The following PGM1 variants were observed in gnomAD, a reference collection of about 807,000 sequenced individuals.
PGM1 encodes phosphoglucomutase 1.
Under a neutral mutation model 55.6 loss-of-function variants are expected in PGM1, and 52 were observed. That is an observed-to-expected ratio of 0.94 (90% CI 0.75 to 1.18). The LOEUF (loss-of-function observed/expected upper bound fraction) is 1.18, where lower values mean the gene tolerates loss of function less well. PGM1 is among the 50% of genes most tolerant of loss of function. The pLI, the probability that PGM1 is intolerant of heterozygous loss-of-function variation, is 0.00. For synonymous variants in PGM1, 287 were observed against 271.7 expected (o/e 1.06, Z -0.55); for missense variants, 724 against 729.3 (o/e 0.99, Z 0.08).
At chr1:63,604,306 G>A (rs1229013746) in intron 1 of PGM1, among the ~76,000 whole-genome samples, 1 of 152,198 alleles carries the variant, frequency 6.6e-6, no homozygotes, top group East Asian at 1.9e-4. Context: ...TTGTGGGTCA[G>A]CAGGCCAAGA....
intron 5 of PGM1, among the ~76,000 whole-genome samples, chr1:63,635,967 G>T (rs537212161): frequency 6.6e-6 from 1 of 152,344 alleles, no homozygotes; most frequent in South Asian, 2.1e-4. Flanking sequence ...CTGGCCTCTG[G>T]AGGGAGAACA....
chr1:63,626,437 T>C (rs917359297), intron 1 of PGM1, among the ~76,000 whole-genome samples: 7 of 152,288 alleles, frequency 4.6e-5, no homozygotes, highest in Admixed American at 2.6e-4. Flanking sequence ...AATTTGCCTA[T>C]TCTAGTTACC....
intron 8 of PGM1, 198 bp from the exon 9 acceptor site, chr1:63,651,471 A>G: frequency 1.7e-6 from 1 of 581,608 alleles, no homozygotes; most frequent in Non-Finnish European, 3.1e-6. Context: ...CCTTCCCTGA[A>G]ATCCTCCAAA....
At chr1:63,594,143 A>G in intron 1 of PGM1, 1 of 994,558 alleles carries the variant, frequency 1.0e-6, no homozygotes, top group Non-Finnish European at 1.2e-6. Context: ...TAAGCAGGAA[A>G]GGTTAGACTG....
chr1:63,651,678 C>G lies in PGM1; in HGVS notation c.1290C>G (p.Tyr430Ter). The G allele has an allele frequency of 6.2e-7, 1 of 1,613,466 alleles. No homozygotes were observed. The highest frequency in any genetic ancestry group is 1.1e-5 in the South Asian group (1 of 90,996). ...TCGTGACTTCTTCCAGGTATGATTA[C>G]GAGGAGGTGGAAGCTGAGGGCGCAA... ...YGRNFFTRYD[Y>*]EEVEAEGANK... The change falls in exon 9 of 11, where the codon TAC (tyrosine) becomes TAG (stop). Residue 430 changes from tyrosine to a stop codon, truncating the protein, a stop_gained. Transcript: ENST00000371084. LOFTEE classifies it high-confidence loss of function.
intron 8 of PGM1, among the ~76,000 whole-genome samples, chr1:63,649,647 A>G (rs184558268): frequency 1.3e-3 from 192 of 152,380 alleles, no homozygotes; most frequent in African/African-American, 4.4e-3. Flanking sequence ...AAAGAATTCA[A>G]CTAAGTAAAT....
rs928628171 is a variant in PGM1 at position 63,656,600 on chromosome 1, GTGTGTGTA to G, written c.1599+2136_1599+2143del. On this transcript the variant is annotated intron_variant, in intron 10 of 10. Coordinates refer to ENST00000371084, the MANE Select transcript of PGM1 (RefSeq NM_002633.3). ...TGTGTGTGTGTGTGTGTGTGTGTGTGTGTGTGTATACCACAATGGAAAATTATTCTGCC... is the reference window on the plus strand; with the variant it reads ...TGTGTGTGTGTGTGTGTGTGTGTGTGTACCACAATGGAAAATTATTCTGCC... Among the ~76,000 whole-genome samples, 21 of 122,338 alleles carry G rather than the reference GTGTGTGTA, an allele frequency of 1.7e-4. 1 individual carries two copies. Among genetic ancestry groups the G allele is most frequent in the African/African-American group, 8.9e-4 (18 of 20,290 alleles). 80.3% of individuals were successfully genotyped at this position (122,338 alleles called of 152,430 possible).
chr1:63,629,800 C>A, intron 2 of PGM1, 142 bp from the exon 3 acceptor site: 1 of 1,095,752 alleles, frequency 9.1e-7, no homozygotes, highest in Non-Finnish European at 1.4e-6. Flanking sequence ...ATGATATTTT[C>A]TTTTAGAAAA....
chr1:63,629,969 A>T lies in PGM1; in HGVS notation c.437A>T (p.Lys146Ile), dbSNP rs1649149101. Reference protein sequence around the residue: ...GGPAPEAITDKIFQISKTIEE... With the variant: ...GGPAPEAITDIIFQISKTIEE... Reference sequence around the variant, plus strand: ...CCTGCTCCAGAAGCAATAACTGATAAAATTTTCCAAATCAGCAAGACAATT... The same window carrying T: ...CCTGCTCCAGAAGCAATAACTGATATAATTTTCCAAATCAGCAAGACAATT... The change falls in exon 3 of 11, where the codon AAA becomes ATA. Residue 146 changes from lysine to isoleucine, a missense_variant. This residue lies in a region of PGM1 where 379 missense variants were observed against 357.5 expected (regional missense o/e 1.06). Coordinates refer to ENST00000371084, the MANE Select transcript of PGM1 (RefSeq NM_002633.3). 1 of 1,613,926 alleles carries T rather than the reference A, an allele frequency of 6.2e-7. No individual in the cohort carries two copies. Among genetic ancestry groups the T allele is most frequent in the South Asian group, 1.1e-5 (1 of 91,078 alleles).
intron 1 of PGM1, among the ~76,000 whole-genome samples, chr1:63,615,562 T>C (rs959734832): frequency 1.1e-4 from 14 of 127,656 alleles, no homozygotes; most frequent in African/African-American, 3.1e-4. Context: ...TTTTTTTTTT[T>C]TTTTTTTTTT....
intron 1 of PGM1, among the ~76,000 whole-genome samples, chr1:63,597,318 A>G (rs1038080433): frequency 1.3e-5 from 2 of 152,206 alleles, no homozygotes; most frequent in African/African-American, 4.8e-5. Flanking sequence ...ATACAAATAC[A>G]AATTTCTAGT....
At chr1:63,604,143 A>G (rs775762625) in intron 1 of PGM1, among the ~76,000 whole-genome samples, 20 of 152,292 alleles carry the variant, frequency 1.3e-4, no homozygotes, top group Non-Finnish European at 2.5e-4. Context: ...CCACTCTGAA[A>G]GAGTATACTT....
chr1:63,608,535 TA>T (rs1648486348), intron 1 of PGM1, among the ~76,000 whole-genome samples: 1 of 152,196 alleles, frequency 6.6e-6, no homozygotes, highest in Admixed American at 6.5e-5. Context: ...TGGGATGGTA[TA>T]ACTGGGTGGG....
At chr1:63,616,467 C>T (rs1375179550) in intron 1 of PGM1, among the ~76,000 whole-genome samples, 1 of 152,150 alleles carries the variant, frequency 6.6e-6, no homozygotes, top group South Asian at 2.1e-4. Flanking sequence ...TCATAGCTCT[C>T]TTGTAGGCTC....
Position 63,630,053 on chromosome 1 carries a change from A to C in PGM1, c.521A>C (p.Gln174Pro). The change falls in exon 3 of 11, where the codon CAG becomes CCG. Residue 174 changes from glutamine (Q) to proline (P), a missense_variant. By Grantham distance (76) the Gln-to-Pro change is moderately conservative. Around this residue, in one of 3 missense-constraint regions of PGM1, gnomAD observed 379 missense variants for 357.5 expected, o/e 1.06. Transcript: ENST00000371084. ...GACCTTGGTGTTCTGGGAAAGCAGC[A>C]GTTTGACTTGGAAAATAAGTTCAAA... ...KVDLGVLGKQ[Q>P]FDLENKFKPF... 1.9e-6 allele frequency: 3 copies of C among 1,614,078 alleles called. No individual in the cohort carries two copies. Among genetic ancestry groups the C allele is most frequent in the Non-Finnish European group, 2.5e-6 (3 of 1,179,918 alleles).
intron 1 of PGM1, among the ~76,000 whole-genome samples, chr1:63,603,420 T>C (rs905006187): frequency 1.3e-5 from 2 of 152,204 alleles, no homozygotes; most frequent in African/African-American, 4.8e-5. Context: ...TCAGAGCTAT[T>C]TTTCTCACTA....
intron 10 of PGM1, among the ~76,000 whole-genome samples, chr1:63,657,260 T>C (rs1157837955): frequency 6.6e-6 from 1 of 152,226 alleles, no homozygotes; most frequent in Non-Finnish European, 1.5e-5. Flanking sequence ...AAAGAGATCT[T>C]GTTTTAAATT....
intron 7 of PGM1, among the ~76,000 whole-genome samples, chr1:63,645,138 A>G (rs368698875): frequency 4.6e-5 from 7 of 152,348 alleles, no homozygotes; most frequent in East Asian, 1.9e-4. Flanking sequence ...AGAATATCCA[A>G]AGAGGCTGAG....
Position 63,629,594 on chromosome 1 carries a change from T to C in PGM1, c.409+7T>C. On this transcript the variant is annotated splice_region_variant and intron_variant, in intron 2 of 10. Transcript: ENST00000371084. ...TTCAATATTTCTAATGGAGGTGAGT[T>C]TGCTGTCATTTTGAGGACAGGTAAG... The C allele has an allele frequency of 1.2e-6, 2 of 1,613,036 alleles. No homozygotes were observed. The highest frequency in any genetic ancestry group is 2.2e-5 in the South Asian group (2 of 91,066).
Sources: allele counts gnomAD v4.1 joint callset (sites outside exome capture counted in the v4.1 genomes callset), GRCh38; gene constraint gnomAD v4.1.1; regional missense constraint gnomAD v4.1.1; transcripts MANE v1.5; gene names NCBI Gene and HGNC (gene_info 2026-07-23, HGNC 2026-07-21).